RETREG1: variants seen among roughly 807,000 people sequenced by gnomAD.
The protein encoded by RETREG1 is reticulophagy regulator 1.
Under a neutral mutation model 54.8 loss-of-function variants are expected in RETREG1, and 44 were observed. The ratio of observed to expected loss-of-function variants is 0.80; its 90% CI spans 0.63 to 1.03. The LOEUF is 1.03. RETREG1 is among the 50% of genes least tolerant of loss of function. The pLI is 0.00. For synonymous variants in RETREG1, 217 were observed against 238.5 expected (o/e 0.91, Z 0.83); for missense variants, 554 against 605.1 (o/e 0.92, Z 0.89).
At chr5:16,598,495 C>T (rs960896324) in intron 1 of RETREG1, among the ~76,000 whole-genome samples, 5 of 152,192 alleles carry the variant, frequency 3.3e-5, no homozygotes, top group Non-Finnish European at 7.3e-5. Flanking sequence ...TTTGTGACTC[C>T]TTCAGCCTGG....
At chr5:16,536,570 C>G (rs867996156) in intron 3 of RETREG1, among the ~76,000 whole-genome samples, 2 of 152,166 alleles carry the variant, frequency 1.3e-5, no homozygotes, top group African/African-American at 2.4e-5. Flanking sequence ...CCAAGAGACA[C>G]CAGGACACAG....
intron 3 of RETREG1, among the ~76,000 whole-genome samples, chr5:16,525,227 A>G (rs1216723632): frequency 7.6e-6 from 1 of 130,890 alleles, no homozygotes; most frequent in Non-Finnish European, 1.6e-5. Flanking sequence ...TGGATTTGCG[A>G]GGGGGACACT....
rs113553915 is a variant in RETREG1, at chr5:16,568,696, C to G, written c.428-2903G>C. 5.3e-3 allele frequency among the ~76,000 whole-genome samples: 800 copies of G among 152,010 alleles called. 5 individuals are homozygous for G. Among genetic ancestry groups the G allele is most frequent in the African/African-American group, 0.019 (771 of 41,422 alleles). ...TGCCAGGGGCTGGAGGAAGGGGGAACAGGGGAAAGGGGGACTTGGCTGTTC... is the reference window on the plus strand; with the variant it reads ...TGCCAGGGGCTGGAGGAAGGGGGAAGAGGGGAAAGGGGGACTTGGCTGTTC... On this transcript the variant is annotated intron_variant, in intron 2 of 8. Coordinates refer to ENST00000306320, the MANE Select transcript of RETREG1 (RefSeq NM_001034850.3).
In RETREG1 at chr5:16,481,005, T is replaced by C. The variant is rs1251616991; in HGVS notation, c.670+4A>G. The C allele has an allele frequency of 5.6e-6, 9 of 1,596,554 alleles. No homozygotes were observed. Among genetic ancestry groups the C allele is most frequent in the Non-Finnish European group, 7.7e-6 (9 of 1,164,502 alleles). ...CACTTAGCCATATGTTCTACTATAC[T>C]TACACAGTAGATAGCTGAGTATAAC... On this transcript the variant is annotated splice_donor_region_variant and intron_variant, in intron 5 of 8. Transcript: ENST00000306320.
Position 16,474,761 on chromosome 5 carries a change from T to G in RETREG1, c.1474A>C (p.Asn492His). 1.2e-6 allele frequency: 2 copies of G among 1,613,400 alleles called. No homozygotes were observed. The highest frequency in any genetic ancestry group is 1.7e-6 in the Non-Finnish European group (2 of 1,179,850). ...QNKKSSGFLS[N>H]LLGGH ...CTAGATTAATGGCCTCCCAGCAGAT[T>G]TGAAAGGAAACCTGAAGACTTCTTA... Residue 492 changes from asparagine (N) to histidine (H), a missense_variant, in exon 9 of 9, where the codon AAT (asparagine) becomes CAT (histidine). Asn to His is a moderately conservative substitution (Grantham distance 68). Around this residue, in one of 4 missense-constraint regions of RETREG1, gnomAD observed 30 missense variants for 32.4 expected, o/e 0.93. Coordinates refer to ENST00000306320, the MANE Select transcript of RETREG1 (RefSeq NM_001034850.3).
intron 1 of RETREG1, among the ~76,000 whole-genome samples, chr5:16,607,202 ATTTG>A (rs534088271): frequency 4.0e-4 from 61 of 152,004 alleles, no homozygotes; most frequent in Non-Finnish European, 7.4e-4. Flanking sequence ...CATTTTGTAT[ATTTG>A]TTTATTGTAT....
chr5:16,615,573 T>G (rs1743479861), intron 1 of RETREG1, among the ~76,000 whole-genome samples: 2 of 152,122 alleles, frequency 1.3e-5, no homozygotes, highest in South Asian at 4.1e-4. Context: ...TAAGATAGAT[T>G]TGGAATAAAC....
intron 2 of RETREG1, among the ~76,000 whole-genome samples, chr5:16,566,981 G>C (rs902712325): frequency 1.3e-5 from 2 of 152,230 alleles, no homozygotes; most frequent in Non-Finnish European, 2.9e-5. Flanking sequence ...AACAATCCTG[G>C]AGCCAAGAGT....
chr5:16,535,021 A>G (rs1741015862), intron 3 of RETREG1, among the ~76,000 whole-genome samples: 1 of 152,178 alleles, frequency 6.6e-6, no homozygotes, highest in Non-Finnish European at 1.5e-5. Context: ...TGGACATTAA[A>G]CAAGTGAAGA....
intron 3 of RETREG1, among the ~76,000 whole-genome samples, chr5:16,546,751 C>T (rs756784348): frequency 2.6e-5 from 4 of 152,156 alleles, no homozygotes; most frequent in Non-Finnish European, 5.9e-5. Flanking sequence ...TTAAAATCAT[C>T]ATTTCAATGA....
chr5:16,571,205 A>T (rs1165421963), intron 2 of RETREG1, among the ~76,000 whole-genome samples: 2 of 152,162 alleles, frequency 1.3e-5, no homozygotes, highest in African/African-American at 4.8e-5. Context: ...CCCTGCCAGG[A>T]CTATAATCCA....
rs145339287 is a variant in RETREG1, at chr5:16,572,336, G to A, written c.321-234C>T. Among the ~76,000 whole-genome samples the A allele has an allele frequency of 0.017, 2,552 of 151,282 alleles. 34 individuals are homozygous for A. The highest frequency in any genetic ancestry group is 0.025 in the Non-Finnish European group (1,698 of 67,878). On this transcript the variant is annotated intron_variant, in intron 1 of 8. Coordinates refer to ENST00000306320, the MANE Select transcript of RETREG1 (RefSeq NM_001034850.3). ...CAAGTGATTCTCCTGCCTCAGCTTCGCAAGTAGCTGGGATTATAGGCATGA... is the reference window on the plus strand; with the variant it reads ...CAAGTGATTCTCCTGCCTCAGCTTCACAAGTAGCTGGGATTATAGGCATGA...
chr5:16,481,378 A>G (rs1192368167), intron 4 of RETREG1, among the ~76,000 whole-genome samples: 1 of 152,134 alleles, frequency 6.6e-6, no homozygotes, highest in Non-Finnish European at 1.5e-5. Context: ...GCCTGTGGCT[A>G]TATTACTGCC....
intron 1 of RETREG1, among the ~76,000 whole-genome samples, chr5:16,611,108 G>T (rs1213589451): frequency 6.6e-6 from 1 of 152,162 alleles, no homozygotes; most frequent in African/African-American, 2.4e-5. Context: ...CCTTTGTAGG[G>T]ACATGAATGA....
At chr5:16,484,777 T>C (rs568084742) in intron 3 of RETREG1, among the ~76,000 whole-genome samples, 19 of 152,282 alleles carry the variant, frequency 1.2e-4, no homozygotes, top group African/African-American at 4.6e-4. Flanking sequence ...CCTTCCTCTT[T>C]GTTCTTTCAG....
intron 1 of RETREG1, among the ~76,000 whole-genome samples, chr5:16,607,178 C>G (rs551370438): frequency 6.6e-6 from 1 of 152,288 alleles, no homozygotes; most frequent in South Asian, 2.1e-4. Flanking sequence ...TTCATAACAT[C>G]CGGCCTTTTC....
chr5:16,518,404 GA>G (rs1023932894), intron 3 of RETREG1, among the ~76,000 whole-genome samples: 1 of 151,198 alleles, frequency 6.6e-6, no homozygotes, highest in African/African-American at 2.4e-5. Context: ...GAGGAGAGGA[GA>G]AAAAGAGAAA....
In RETREG1 at chr5:16,515,063, A is replaced by G. The variant is rs1740304313; in HGVS notation, c.459-31591T>C. ...AATTGTGACTTATGCTGCTATAAACATGCATATGCAATTGTCTTTTTCATA... is the reference window on the plus strand; with the variant it reads ...AATTGTGACTTATGCTGCTATAAACGTGCATATGCAATTGTCTTTTTCATA... On this transcript the variant is annotated intron_variant, in intron 3 of 8. Transcript: ENST00000306320. 2.6e-5 allele frequency among the ~76,000 whole-genome samples: 4 copies of G among 151,712 alleles called. No individual in the cohort carries two copies. The East Asian group carries it at 7.7e-4, about 29-fold the overall frequency.
intron 3 of RETREG1, among the ~76,000 whole-genome samples, chr5:16,526,706 A>C (rs928192437): frequency 6.6e-6 from 1 of 152,204 alleles, no homozygotes; most frequent in African/African-American, 2.4e-5. Context: ...CATTATAATC[A>C]TCAATATCAG....
Sources: allele counts gnomAD v4.1 joint callset (sites outside exome capture counted in the v4.1 genomes callset), GRCh38; gene constraint gnomAD v4.1.1; regional missense constraint gnomAD v4.1.1; transcripts MANE v1.5; gene names NCBI Gene and HGNC (gene_info 2026-07-23, HGNC 2026-07-21).